ZFYVE28: variants seen among roughly 807,000 people sequenced by gnomAD.
ZFYVE28 encodes the protein zinc finger FYVE-type containing 28, also known as lateral signaling target protein 2 homolog.
Under a neutral mutation model 82.1 loss-of-function variants are expected in ZFYVE28, and 40 were observed. The ratio of observed to expected loss-of-function variants is 0.49; its 90% CI spans 0.38 to 0.63. The LOEUF (loss-of-function observed/expected upper bound fraction) is 0.63, where lower values mean the gene tolerates loss of function less well. Ranked by LOEUF, ZFYVE28 falls within the 30% of genes least tolerant of loss-of-function variation. ZFYVE28 has a pLI of 0.00. For synonymous variants in ZFYVE28, 612 were observed against 546.1 expected, an observed-to-expected ratio of 1.12 and a Z score of -1.68; for missense variants, 1,321 against 1,242.1, an observed-to-expected ratio of 1.06 and a Z score of -0.96.
At chr4:2,366,957 A>G (rs931681716) in intron 1 of ZFYVE28, among the ~76,000 whole-genome samples, 2 of 152,262 alleles carry the variant, frequency 1.3e-5, no homozygotes, top group African/African-American at 4.8e-5. Context: ...GATAATTGCA[A>G]ATCTAGCAAA....
chr4:2,304,169 G>A, intron 8 of ZFYVE28, 120 bp downstream of exon 8: 1 of 1,339,474 alleles, frequency 7.5e-7, no homozygotes, highest in Non-Finnish European at 1.0e-6. Flanking sequence ...CCAGGGCCCA[G>A]CACCTGCCGG....
chr4:2,350,522 T>C (rs1239052790), intron 2 of ZFYVE28, among the ~76,000 whole-genome samples: 2 of 152,058 alleles, frequency 1.3e-5, no homozygotes, highest in Non-Finnish European at 2.9e-5. Context: ...TTGGTCATCT[T>C]CCCATTTCCT....
intron 4 of ZFYVE28, 61 bp from the exon 5 acceptor site, chr4:2,337,557 A>G (rs543502707): frequency 7.5e-6 from 10 of 1,333,796 alleles, no homozygotes; most frequent in Admixed American, 2.2e-5. Flanking sequence ...CCTCCAAAAC[A>G]GAGTGGGGGG....
intron 2 of ZFYVE28, among the ~76,000 whole-genome samples, chr4:2,349,576 A>G (rs1724061006): frequency 1.3e-5 from 2 of 152,216 alleles, no homozygotes; most frequent in Admixed American, 1.3e-4. Flanking sequence ...TCCCTGTTTC[A>G]ATGATATAAC....
At chr4:2,330,396 A>C in intron 6 of ZFYVE28, 1 of 1,008,198 alleles carries the variant, frequency 9.9e-7, no homozygotes, top group Non-Finnish European at 1.2e-6. Flanking sequence ...AGTAGGGGAC[A>C]GTGCAGAGGA....
At chr4:2,338,059 G>A (rs766085937) in intron 4 of ZFYVE28, among the ~76,000 whole-genome samples, 147 of 152,330 alleles carry the variant, frequency 9.7e-4, no homozygotes, top group South Asian at 1.9e-3. Flanking sequence ...GCCCATGTGC[G>A]GGACCATCCC....
At chr4:2,359,022 T>G (rs1337627871) in intron 1 of ZFYVE28, among the ~76,000 whole-genome samples, 1 of 149,714 alleles carries the variant, frequency 6.7e-6, no homozygotes, top group East Asian at 1.9e-4. Flanking sequence ...TCGCCCAGGC[T>G]GGAGTGCAGT....
In ZFYVE28 at chr4:2,370,133, C is replaced by A. The variant is rs549143460; in HGVS notation, c.40-16060G>T. 4.7e-4 allele frequency among the ~76,000 whole-genome samples: 71 copies of A among 152,098 alleles called. 1 individual carries two copies. Among genetic ancestry groups the A allele is most frequent in the Admixed American group, 4.3e-3 (66 of 15,260 alleles). On this transcript the variant is annotated intron_variant, in intron 1 of 12. Coordinates refer to ENST00000290974, the MANE Select transcript of ZFYVE28 (RefSeq NM_020972.3). The stretch of plus-strand genomic sequence containing the variant: ...GAAGTGCTGGGATTACAGGTGTGAA[C>A]CAACACGCCCGGCCGATTTTTGTTG...
At chr4:2,415,291 A>G (rs532009614) in intron 1 of ZFYVE28, among the ~76,000 whole-genome samples, 1 of 152,186 alleles carries the variant, frequency 6.6e-6, no homozygotes, top group Non-Finnish European at 1.5e-5. Context: ...TTTTCATTTC[A>G]GAATATTTTC....
chr4:2,288,604 G>A (rs904778821), intron 8 of ZFYVE28, among the ~76,000 whole-genome samples: 2 of 152,266 alleles, frequency 1.3e-5, no homozygotes, highest in African/African-American at 4.8e-5. Context: ...AGTGTGAGCT[G>A]AAGGCCCTTG....
rs374596841 is a variant in ZFYVE28, at chr4:2,298,124, C to T, written c.2051+6165G>A. ...GGGGTGACACGGTGACACAGTGACA[C>T]GGCGGGCTGTGCTGGGAGGAATGGC... is the stretch of plus-strand genomic sequence containing the variant. On this transcript the variant is annotated intron_variant, in intron 8 of 12. Coordinates refer to ENST00000290974, the MANE Select transcript of ZFYVE28 (RefSeq NM_020972.3). 1.7e-3 allele frequency among the ~76,000 whole-genome samples: 239 copies of T among 137,024 alleles called. 1 individual carries two copies. The South Asian group carries it at 0.026, about 15-fold the overall frequency. 89.9% of individuals were successfully genotyped at this position (137,024 alleles called of 152,430 possible).
chr4:2,404,826 A>G (rs1435537378), intron 1 of ZFYVE28, among the ~76,000 whole-genome samples: 3 of 145,740 alleles, frequency 2.1e-5, no homozygotes, highest in Admixed American at 6.8e-5. Flanking sequence ...TTACCTATAT[A>G]TTCACTGCAT....
chr4:2,404,857 CTTTTTTT>C (rs11404626), intron 1 of ZFYVE28, among the ~76,000 whole-genome samples: 1,301 of 110,990 alleles, frequency 0.012, 7 homozygotes, highest in Non-Finnish European at 0.018. Flanking sequence ...CAGTCTCGCT[CTTTTTTT>C]TTTTTTTTTT....
At chr4:2,368,535 A>G (rs1269000903) in intron 1 of ZFYVE28, among the ~76,000 whole-genome samples, 1 of 151,964 alleles carries the variant, frequency 6.6e-6, no homozygotes, top group African/African-American at 2.4e-5. Context: ...CCCTTCATCG[A>G]CTTTATCTCT....
At chr4:2,395,942 C>G (rs1034041637) in intron 1 of ZFYVE28, among the ~76,000 whole-genome samples, 2 of 152,190 alleles carry the variant, frequency 1.3e-5, no homozygotes, top group Non-Finnish European at 2.9e-5. Flanking sequence ...GCAGCACCCC[C>G]CACACTACAT....
rs544049305 is a variant in ZFYVE28, at chr4:2,304,500, G to T, written c.1840C>A (p.Pro614Thr). 8 of 1,612,646 alleles carry T rather than the reference G, an allele frequency of 5.0e-6. No homozygotes were observed. The highest frequency in any genetic ancestry group is 1.3e-5 in the African/African-American group (1 of 74,948). Residue 614 changes from proline (P) to threonine (T), a missense_variant, in exon 8 of 13, where the codon CCC (proline) becomes ACC (threonine). Physicochemically the swap from Pro to Thr is conservative, Grantham distance 38 (BLOSUM62 -1). Coordinates refer to ENST00000290974, the MANE Select transcript of ZFYVE28 (RefSeq NM_020972.3). ...DRAPERQEEA[P>T]PPSEDASNGR... ...TTGGAGGCATCTTCTGAGGGTGGGG[G>T]CGCCTCCTCCTGTCTCTCAGGGGCC...
chr4:2,396,921 C>T (rs1034526656), intron 1 of ZFYVE28, among the ~76,000 whole-genome samples: 7 of 152,128 alleles, frequency 4.6e-5, no homozygotes, highest in South Asian at 2.1e-4. Flanking sequence ...AGTCATGACC[C>T]GAATTGAATT....
intron 8 of ZFYVE28, among the ~76,000 whole-genome samples, chr4:2,294,627 C>T (rs1003141196): frequency 6.6e-6 from 1 of 152,112 alleles, no homozygotes; most frequent in Non-Finnish European, 1.5e-5. Context: ...AAGTTTTGCT[C>T]TTCAAAAGAT....
intron 8 of ZFYVE28, among the ~76,000 whole-genome samples, chr4:2,298,745 CA>C (rs1715038126): frequency 1.3e-5 from 2 of 152,202 alleles, no homozygotes; most frequent in Non-Finnish European, 2.9e-5. Flanking sequence ...GTGGGACGGA[CA>C]GTGACAGGCT....
Sources: gnomAD v4.1 joint callset for allele counts (sites outside exome capture counted in the v4.1 genomes callset) on GRCh38, gnomAD v4.1.1 for gene constraint, MANE v1.5 for transcripts, NCBI Gene and HGNC (gene_info 2026-07-23, HGNC 2026-07-21) for gene names.